CNTN5: variants seen among roughly 807,000 people sequenced by gnomAD.
CNTN5 encodes the protein contactin-5.
Under a neutral mutation model 129.1 loss-of-function variants are expected in CNTN5, and 77 were observed. The observed-to-expected ratio is 0.60, with a 90% CI of 0.50 to 0.72. The LOEUF is 0.72. CNTN5 is among the 30% of genes least tolerant of loss of function. The pLI, the probability that CNTN5 is intolerant of heterozygous loss-of-function variation, is 0.00. For missense variants in CNTN5, 1,478 were observed against 1,328.8 expected (o/e 1.11, Z -1.75); for synonymous variants, 509 against 465.6 (o/e 1.09, Z -1.20).
chr11:99,404,428 T>A (rs1229656983), intron 2 of CNTN5, among the ~76,000 whole-genome samples: 2 of 151,970 alleles, frequency 1.3e-5, no homozygotes, highest in Non-Finnish European at 2.9e-5. Flanking sequence ...TCTCTTTTTT[T>A]GTTCTTTGTT....
intron 7 of CNTN5, among the ~76,000 whole-genome samples, chr11:99,921,987 A>C (rs1241378746): frequency 6.6e-6 from 1 of 152,152 alleles, no homozygotes; most frequent in Non-Finnish European, 1.5e-5. Flanking sequence ...CTCTCTTGGG[A>C]AAATATAGTC....
In CNTN5 at chr11:100,002,110, T is replaced by A; in HGVS notation, c.954T>A (p.Val318=). ...TTACAGCTGCTAAAGGAACAACTGT[T>A]AAGATGGAATGCTTTGCACTTGGCA... is the stretch of plus-strand genomic sequence containing the variant. ...FTVTAAKGTT[V]KMECFALGNP... The change falls in exon 9 of 25, where the codon GTT becomes GTA. Residue 318 remains valine (V), a synonymous_variant. Coordinates refer to ENST00000524871, the MANE Select transcript of CNTN5 (RefSeq NM_014361.4). The A allele has an allele frequency of 1.9e-6, 3 of 1,590,910 alleles. No individual in the cohort carries two copies. The highest frequency in any genetic ancestry group is 2.6e-6 in the Non-Finnish European group (3 of 1,172,410).
intron 13 of CNTN5, among the ~76,000 whole-genome samples, chr11:100,113,593 A>G (rs1945740499): frequency 6.6e-6 from 1 of 151,990 alleles, no homozygotes; most frequent in African/African-American, 2.4e-5. Context: ...GGATGAAGGG[A>G]GCACAATGAA....
At chr11:99,804,713 T>C (rs1208343850) in intron 3 of CNTN5, among the ~76,000 whole-genome samples, 2 of 151,418 alleles carry the variant, frequency 1.3e-5, no homozygotes, top group African/African-American at 2.4e-5. Flanking sequence ...TTTAAAGATA[T>C]AATAAAAATA....
chr11:99,555,474 T>G (rs558344101), intron 2 of CNTN5, among the ~76,000 whole-genome samples: 3 of 151,984 alleles, frequency 2.0e-5, no homozygotes, highest in Non-Finnish European at 4.4e-5. Context: ...CCAAATATAT[T>G]AATGTGCTAT....
intron 9 of CNTN5, among the ~76,000 whole-genome samples, chr11:100,057,390 C>G (rs1943280540): frequency 6.6e-6 from 1 of 151,270 alleles, no homozygotes; most frequent in South Asian, 2.1e-4. Context: ...CATAGTCAAT[C>G]ATTTAAAACT....
chr11:100,010,649 G>C, intron 9 of CNTN5, among the ~76,000 whole-genome samples: 1 of 152,016 alleles, frequency 6.6e-6, no homozygotes, highest in Non-Finnish European at 1.5e-5. Context: ...CCTTGCCCCA[G>C]TACCACAAAG....
intron 3 of CNTN5, among the ~76,000 whole-genome samples, chr11:99,761,719 A>G (rs1437916725): frequency 6.6e-6 from 1 of 150,750 alleles, no homozygotes; most frequent in Non-Finnish European, 1.5e-5. Flanking sequence ...ATGCCGCAAT[A>G]AACATACGTG....
chr11:99,990,386 C>T (rs958362036), intron 8 of CNTN5, among the ~76,000 whole-genome samples: 2 of 148,932 alleles, frequency 1.3e-5, no homozygotes, highest in South Asian at 2.1e-4. Flanking sequence ...TATTTATTGG[C>T]TATTTTCCAA....
chr11:100,316,106 T>C (rs894626859), intron 21 of CNTN5, among the ~76,000 whole-genome samples: 6 of 152,194 alleles, frequency 3.9e-5, no homozygotes, highest in African/African-American at 1.4e-4. Context: ...CCTCAAGCTT[T>C]TCAGAACATA....
At position 99,665,293 on chromosome 11, in the gene CNTN5, G is replaced by C. The variant is rs188210771; in HGVS notation, c.55+109024G>C. ...ATGTGACCTGGAGTTAAGAAAGTTA[G>C]AGAGCATCTACATATTTAAGGAAAA... On this transcript the variant is annotated intron_variant, in intron 3 of 24. Transcript: ENST00000524871. Among the ~76,000 whole-genome samples, 80 of 152,136 alleles carry C rather than the reference G, an allele frequency of 5.3e-4. 1 individual carries two copies. The highest frequency in any genetic ancestry group is 5.9e-5 in the Non-Finnish European group (4 of 68,004).
At chr11:99,580,181 C>A (rs912776671) in intron 3 of CNTN5, among the ~76,000 whole-genome samples, 4 of 152,158 alleles carry the variant, frequency 2.6e-5, no homozygotes, top group African/African-American at 9.6e-5. Flanking sequence ...GGATGAAGCC[C>A]ACTTGATCAT....
intron 18 of CNTN5, among the ~76,000 whole-genome samples, chr11:100,295,478 T>TA (rs1207142550): frequency 6.6e-6 from 1 of 151,512 alleles, no homozygotes; most frequent in Non-Finnish European, 1.5e-5. Context: ...TTAAAACTTT[T>TA]AAAAATCTAA....
chr11:99,248,135 C>T (rs1159194332), intron 1 of CNTN5, among the ~76,000 whole-genome samples: 2 of 152,108 alleles, frequency 1.3e-5, no homozygotes, highest in East Asian at 1.9e-4. Flanking sequence ...TGTTTCCTGA[C>T]GTTTTAATGA....
intron 2 of CNTN5, among the ~76,000 whole-genome samples, chr11:99,543,646 G>A (rs1027757074): frequency 4.6e-5 from 7 of 152,070 alleles, no homozygotes; most frequent in African/African-American, 1.4e-4. Context: ...GGCCGGGTGC[G>A]GTGGCTCATG....
chr11:99,647,660 T>G (rs1194653082), intron 3 of CNTN5, among the ~76,000 whole-genome samples: 1 of 151,998 alleles, frequency 6.6e-6, no homozygotes, highest in Admixed American at 6.6e-5. Context: ...ATTCTTCCAG[T>G]TCATGAATAT....
chr11:99,520,073 G>T (rs775773426), intron 2 of CNTN5, among the ~76,000 whole-genome samples: 1 of 151,876 alleles, frequency 6.6e-6, no homozygotes, highest in Non-Finnish European at 1.5e-5. Flanking sequence ...TTTATTTTAC[G>T]CTCACCCTGG....
At chr11:99,184,318 C>T (rs1858232165) in intron 1 of CNTN5, among the ~76,000 whole-genome samples, 1 of 152,008 alleles carries the variant, frequency 6.6e-6, no homozygotes, top group Non-Finnish European at 1.5e-5. Context: ...TTGAGTGTGC[C>T]ATGTTCTCTT....
intron 1 of CNTN5, among the ~76,000 whole-genome samples, chr11:99,146,799 G>C (rs1859805731): frequency 1.3e-5 from 2 of 152,018 alleles, no homozygotes; most frequent in African/African-American, 4.8e-5. Flanking sequence ...AAGACTCACT[G>C]CAGCTTTGAC....
Sources: gnomAD v4.1 joint callset for allele counts (sites outside exome capture counted in the v4.1 genomes callset) on GRCh38, gnomAD v4.1.1 for gene constraint, MANE v1.5 for transcripts, NCBI Gene and HGNC (gene_info 2026-07-23, HGNC 2026-07-21) for gene names.